The following P3H3 variants were observed in gnomAD, a reference collection of about 807,000 sequenced individuals.
P3H3 encodes the protein prolyl 3-hydroxylase 3.
A neutral mutation model predicts 78.1 loss-of-function variants in P3H3; 64 were observed. The ratio of observed to expected loss-of-function variants is 0.82; its 90% CI spans 0.67 to 1.01. P3H3 has a LOEUF of 1.01. Ranked by LOEUF, P3H3 falls within the 50% of genes least tolerant of loss-of-function variation. The pLI, the probability that P3H3 is intolerant of heterozygous loss-of-function variation, is 0.00. For synonymous variants in P3H3, 425 were observed against 416.7 expected, an observed-to-expected ratio of 1.02 and a Z score of -0.24; for missense variants, 975 against 982.2, an observed-to-expected ratio of 0.99 and a Z score of 0.10.
chr12:6,831,367 A>G lies in P3H3; in HGVS notation c.1122+15A>G. 1.2e-6 allele frequency: 2 copies of G among 1,613,370 alleles called. No individual in the cohort carries two copies. The highest frequency in any genetic ancestry group is 1.7e-6 in the Non-Finnish European group (2 of 1,179,772). On this transcript the variant is annotated intron_variant, in intron 5 of 14. Transcript: ENST00000290510. This position sits in a 1 kb window ranked among gnomAD's most constrained non-coding sequence, Gnocchi z 4.6. ...GACCCAGAGAGGTAATCCCCTCTCC[A>G]CGCTCACCTGGGAGGTAGCCCCAAA...
Position 6,837,464 on chromosome 12 carries a change from G to T in P3H3, c.1602G>T (p.Leu534=). The T allele has an allele frequency of 6.2e-7, 1 of 1,611,854 alleles. No homozygotes were observed. The highest frequency in any genetic ancestry group is 1.1e-5 in the South Asian group (1 of 90,518). ...CAGTGGGCAGTCAGGGTGCTAAGCT[G>T]CTTCTGGAGGTGAGCGAGCGGGTGC... is the stretch of plus-strand genomic sequence containing the variant. The part of the protein sequence containing the change: ...AGTVGSQGAK[L]LLEVSERVRT... The change falls in exon 11 of 15, where the codon CTG becomes CTT. Residue 534 remains leucine, a synonymous_variant. Coordinates refer to ENST00000290510, the MANE Select transcript of P3H3 (RefSeq NM_014262.5).
In P3H3 at chr12:6,828,502, A is replaced by C; in HGVS notation, c.62A>C (p.Glu21Ala). The change falls in exon 1 of 15, where the codon GAG becomes GCG. Residue 21 changes from glutamate to alanine, a missense_variant. Physicochemically the swap from Glu to Ala is moderately radical, Grantham distance 107. Transcript: ENST00000290510. ...LLLLPPPGSP[E>A]PPGLTQLSPG... ...CTGCTGCCTCCCCCGGGGTCCCCTG[A>C]GCCCCCCGGCCTGACCCAGCTGTCC... 7.4e-7 allele frequency: 1 copy of C among 1,348,232 alleles called. No individual in the cohort carries two copies. Among genetic ancestry groups the C allele is most frequent in the Non-Finnish European group, 9.8e-7 (1 of 1,024,792 alleles). 83.5% of individuals were successfully genotyped at this position (1,348,232 alleles called of 1,614,324 possible).
At chr12:6,837,134 A>T in intron 10 of P3H3, 48 bp downstream of exon 10, 1 of 1,500,300 alleles carries the variant, frequency 6.7e-7, no homozygotes, top group Non-Finnish European at 9.1e-7. Flanking sequence ...GACCTGGAGG[A>T]GAGGCTGTGC....
At chr12:6,836,556 C>T (rs909405221) in intron 9 of P3H3, among the ~76,000 whole-genome samples, 1 of 152,122 alleles carries the variant, frequency 6.6e-6, no homozygotes, top group Non-Finnish European at 1.5e-5. Context: ...TGCTGTCTCC[C>T]TACCGCCAGT....
rs781881687 is a variant in P3H3 at position 6,829,802 on chromosome 12, G to A, written c.499-57G>A. ...GTAGGGTGGGGAGGCTGGCCAGGGG[G>A]CAGAGGTCTGCCCCCCGTCCCAGGG... On this transcript the variant is annotated intron_variant, in intron 1 of 14. Transcript: ENST00000290510. This position sits in a 1 kb window ranked among gnomAD's most constrained non-coding sequence, Gnocchi z 5.1. 1.2e-6 allele frequency: 2 copies of A among 1,601,562 alleles called. No individual in the cohort carries two copies. The highest frequency in any genetic ancestry group is 1.7e-6 in the Non-Finnish European group (2 of 1,170,458).
chr12:6,837,752 G>T lies in P3H3; in HGVS notation c.1732G>T (p.Asp578Tyr). The stretch of plus-strand genomic sequence containing the variant: ...CCTAGGAGAGCAAGAGCAGCGCATG[G>T]ACCTGAGTCACCCAGTGCACGCAGA... ...AIEGEQEQRM[D>Y]LSHPVHADNC... The change falls in exon 12 of 15, where the codon GAC becomes TAC. Residue 578 changes from aspartate (D) to tyrosine (Y), a missense_variant. Physicochemically the swap from Asp to Tyr is radical, Grantham distance 160. Transcript: ENST00000290510. 4 of 1,612,814 alleles carry T rather than the reference G, an allele frequency of 2.5e-6. No homozygotes were observed. The highest frequency in any genetic ancestry group is 3.4e-6 in the Non-Finnish European group (4 of 1,179,442).
chr12:6,829,014 T>A lies in P3H3; in HGVS notation c.498+76T>A. On this transcript the variant is annotated intron_variant, in intron 1 of 14. Coordinates refer to ENST00000290510, the MANE Select transcript of P3H3 (RefSeq NM_014262.5). The surrounding 1 kb of genome is among the most constrained non-coding windows in gnomAD (Gnocchi z 5.1). ...TGTCCTACTTTGCGTTGCCCAGGAG[T>A]AGGCGGAATGCTGTTGCCCGGGCCC... The A allele has an allele frequency of 1.1e-6, 1 of 876,330 alleles. No homozygotes were observed. Among genetic ancestry groups the A allele is most frequent in the Non-Finnish European group, 1.5e-6 (1 of 663,394 alleles). The allele number at this position is 876,330 out of a possible 1,614,324, so 54.3% of individuals were successfully genotyped here. A position where few individuals can be genotyped will look rare whatever the true frequency, so the allele number is the denominator to read the frequency against.
chr12:6,839,563 C>G lies in P3H3; in HGVS notation c.*102C>G, dbSNP rs1943540237. On this transcript the variant is annotated 3_prime_UTR_variant, in exon 15 of 15. Coordinates refer to ENST00000290510, the MANE Select transcript of P3H3 (RefSeq NM_014262.5). ...CCCCTGTGTGACATCAGGAGCAGAACAGCAAGCTCTCTGTCCCTGCACCCC... is the reference window on the plus strand; with the variant it reads ...CCCCTGTGTGACATCAGGAGCAGAAGAGCAAGCTCTCTGTCCCTGCACCCC... 2.2e-6 allele frequency: 3 copies of G among 1,356,610 alleles called. No individual in the cohort carries two copies. Among genetic ancestry groups the G allele is most frequent in the East Asian group, 2.5e-5 (1 of 39,850 alleles). The allele number at this position is 1,356,610 out of a possible 1,614,324, so 84.0% of individuals were successfully genotyped here.
In P3H3 at chr12:6,829,107, T is replaced by C; in HGVS notation, c.498+169T>C. On this transcript the variant is annotated intron_variant, in intron 1 of 14. Transcript: ENST00000290510. The surrounding 1 kb of genome is among the most constrained non-coding windows in gnomAD (Gnocchi z 5.1). ...CTGGCTAAGCGACCGCGAGGACCTC[T>C]TGAGATCGCAGAGGAGCAGCCGAGG... The C allele has an allele frequency of 2.4e-6, 1 of 414,940 alleles. No individual in the cohort carries two copies. Among genetic ancestry groups the C allele is most frequent in the East Asian group, 3.6e-5 (1 of 28,032 alleles). The allele number at this position is 414,940 out of a possible 1,614,324, so 25.7% of individuals were successfully genotyped here.
chr12:6,833,548 G>A lies in P3H3; in HGVS notation c.1213-44G>A, dbSNP rs781829898. The A allele has an allele frequency of 1.6e-5, 25 of 1,587,574 alleles. No individual in the cohort carries two copies. The South Asian group carries it at 1.9e-4, about 12-fold the overall frequency. ...TCAGCTCTAATGTCAGGGATTCCAG[G>A]GGCTGACCTTGGTGGGTGATGATGC... On this transcript the variant is annotated intron_variant, in intron 6 of 14. Coordinates refer to ENST00000290510, the MANE Select transcript of P3H3 (RefSeq NM_014262.5).
Position 6,829,829 on chromosome 12 carries a change from T to A in P3H3, c.499-30T>A. 1 of 1,613,298 alleles carries A rather than the reference T, an allele frequency of 6.2e-7. No individual in the cohort carries two copies. ...AGAGGTCTGCCCCCCGTCCCAGGGC[T>A]CTGATGCCCTCCTCCCTTCGCCTCC... On this transcript the variant is annotated intron_variant, in intron 1 of 14. Coordinates refer to ENST00000290510, the MANE Select transcript of P3H3 (RefSeq NM_014262.5). This position sits in a 1 kb window ranked among gnomAD's most constrained non-coding sequence, Gnocchi z 5.1.
chr12:6,835,138 A>G (rs782776174), intron 9 of P3H3, among the ~76,000 whole-genome samples: 2 of 152,204 alleles, frequency 1.3e-5, no homozygotes, highest in Non-Finnish European at 2.9e-5. Flanking sequence ...GGCCAGCTCC[A>G]TAGTCATTAC....
At chr12:6,836,042 G>A (rs1295136575) in intron 9 of P3H3, among the ~76,000 whole-genome samples, 8 of 152,098 alleles carry the variant, frequency 5.3e-5, no homozygotes, top group Non-Finnish European at 8.8e-5. Flanking sequence ...CCTGAGCAAC[G>A]TGGTAAAACC....
Position 6,829,938 on chromosome 12 carries a change from A to G in P3H3, c.578A>G (p.Asp193Gly), listed in dbSNP as rs1943430367. 10 of 1,613,860 alleles carry G rather than the reference A, an allele frequency of 6.2e-6. No homozygotes were observed. The highest frequency in any genetic ancestry group is 5.3e-5 in the African/African-American group (4 of 74,908). ...ANPMHLQMRE[D>G]MAKYRRMSGV... ...CCCATGCACCTGCAGATGCGGGAGG[A>G]CATGGCTAAGTACAGACGAATGTCG... is the stretch of plus-strand genomic sequence containing the variant. Residue 193 changes from aspartate (D) to glycine (G), a missense_variant, in exon 2 of 15, where the codon GAC becomes GGC. By Grantham distance (94) the Asp-to-Gly change is moderately conservative. Transcript: ENST00000290510. The surrounding 1 kb of genome is among the most constrained non-coding windows in gnomAD (Gnocchi z 5.1).
At position 6,839,010 on chromosome 12, in the gene P3H3, G is replaced by A. The variant is rs781841404; in HGVS notation, c.1916G>A (p.Arg639His). Residue 639 changes from arginine (R) to histidine (H), a missense_variant, in exon 14 of 15, where the codon CGT becomes CAT. Transcript: ENST00000290510. ...CCCTCATCCCTCCAGGCTCGGGTGC[G>A]TCCTCGCTGTGGGCGCCTTGTGGCC... ...PNALTVTARV[R>H]PRCGRLVAFS... 98 of 1,599,084 alleles carry A rather than the reference G, an allele frequency of 6.1e-5. No individual in the cohort carries two copies. The highest frequency in any genetic ancestry group is 1.3e-4 in the East Asian group (6 of 44,782).
Position 6,828,468 on chromosome 12 carries a change from C to A in P3H3, c.28C>A (p.Leu10Ile). 1 of 1,229,228 alleles carries A rather than the reference C, an allele frequency of 8.1e-7. No homozygotes were observed. Among genetic ancestry groups the A allele is most frequent in the Non-Finnish European group, 1.1e-6 (1 of 906,818 alleles). 76.1% of individuals were successfully genotyped at this position (1,229,228 alleles called of 1,614,324 possible). A position where few individuals can be genotyped will look rare whatever the true frequency, so the allele number is the denominator to read the frequency against. Residue 10 changes from leucine to isoleucine, a missense_variant, in exon 1 of 15, where the codon CTA becomes ATA. Leu to Ile is a conservative substitution (Grantham distance 5). Coordinates refer to ENST00000290510, the MANE Select transcript of P3H3 (RefSeq NM_014262.5). ...GCTCCGGCTCCTCCGGCCGCTGCTG[C>A]TACTGCTGCTGCTGCCTCCCCCGGG... MLRLLRPLLLLLLLPPPGSP... is the reference protein window; with the variant it reads MLRLLRPLLILLLLPPPGSP...
intron 9 of P3H3, among the ~76,000 whole-genome samples, chr12:6,836,259 A>T (rs2137965946): frequency 6.7e-6 from 1 of 149,440 alleles, no homozygotes; most frequent in East Asian, 2.0e-4. Context: ...ACCCCAGGTT[A>T]GACGGCTTGG....
chr12:6,837,898 C>T, intron 12 of P3H3, 49 bp downstream of exon 12: 1 of 1,591,600 alleles, frequency 6.3e-7, no homozygotes, highest in Non-Finnish European at 8.6e-7. Flanking sequence ...AAAGGTCATC[C>T]CACTGCCGGC....
Position 6,831,812 on chromosome 12 carries a change from A to C in P3H3, c.1123-13A>C, listed in dbSNP as rs1164730216. 1.3e-6 allele frequency: 2 copies of C among 1,568,564 alleles called. No individual in the cohort carries two copies. The highest frequency in any genetic ancestry group is 1.7e-6 in the Non-Finnish European group (2 of 1,143,348). On this transcript the variant is annotated splice_polypyrimidine_tract_variant and intron_variant, in intron 5 of 14. Transcript: ENST00000290510. The surrounding 1 kb of genome is among the most constrained non-coding windows in gnomAD (Gnocchi z 4.6). ...CTCCAGCTACCCCTCACTGCTCATC[A>C]TCTCACCCTCAGGACATCCAGCGCT...
Sources: gnomAD v4.1 joint callset for allele counts (sites outside exome capture counted in the v4.1 genomes callset) on GRCh38, gnomAD v4.1.1 for gene constraint, Gnocchi (gnomAD v3.1) non-coding constraint, MANE v1.5 for transcripts, NCBI Gene and HGNC (gene_info 2026-07-23, HGNC 2026-07-21) for gene names.